Variants in LGALS12 observed in about 807,000 individuals in gnomAD.
LGALS12 encodes galectin 12.
Under a neutral mutation model 36.8 loss-of-function variants are expected in LGALS12, and 36 were observed. The observed-to-expected ratio is 0.98, with a 90% confidence interval of 0.75 to 1.29. LGALS12 has a LOEUF of 1.29. Among genes scored for constraint, LGALS12 ranks in the 50% most tolerant of loss-of-function variants. LGALS12 has a pLI of 0.00. For missense variants in LGALS12, 366 were observed against 394.3 expected (o/e 0.93, Z 0.61); for synonymous variants, 145 against 155.9 (o/e 0.93, Z 0.52).
rs1416351814 is a variant in LGALS12 at position 63,508,830 on chromosome 11, G to A, written c.211G>A (p.Ala71Thr). The A allele has an allele frequency of 1.1e-5, 18 of 1,614,058 alleles. No homozygotes were observed. Among genetic ancestry groups the A allele is most frequent in the South Asian group, 1.1e-4 (10 of 91,086 alleles). Residue 71 changes from alanine to threonine, a missense_variant, in exon 3 of 9, where the codon GCC becomes ACC. Coordinates refer to ENST00000394618, the MANE Select transcript of LGALS12 (RefSeq NM_033101.4). ...CAGCCTGTGTCCCCGGCCAGATATC[G>A]CCTTCCACTTCAACCCTCGCTTCCA... ...GCSLCPRPDI[A>T]FHFNPRFHTT... is the part of the protein sequence containing the mutation.
At position 63,508,598 on chromosome 11, in the gene LGALS12, A is replaced by G. The variant is rs746162900; in HGVS notation, c.115A>G (p.Lys39Glu). 6.2e-7 allele frequency: 1 copy of G among 1,614,180 alleles called. No homozygotes were observed. Among genetic ancestry groups the G allele is most frequent in the Admixed American group, 1.7e-5 (1 of 60,020 alleles). Residue 39 changes from lysine to glutamate, a missense_variant, in exon 2 of 9, where the codon AAG (lysine) becomes GAG (glutamate). By Grantham distance (56) the Lys-to-Glu change is moderately conservative. Coordinates refer to ENST00000394618, the MANE Select transcript of LGALS12 (RefSeq NM_033101.4). Reference sequence around the variant, plus strand: ...GATTTTTGGAGGCCTGCATGCAGGCAAGATGGTCATGCTGCAAGGAGTGGT... The same window carrying G: ...GATTTTTGGAGGCCTGCATGCAGGCGAGATGGTCATGCTGCAAGGAGTGGT... ...TTIFGGLHAG[K>E]MVMLQGVVPL...
chr11:63,514,448 G>A (rs1049517709), intron 7 of LGALS12, among the ~76,000 whole-genome samples: 3 of 152,134 alleles, frequency 2.0e-5, no homozygotes, highest in Non-Finnish European at 4.4e-5. Flanking sequence ...GCATGCGCCT[G>A]TAGTCCCAGC....
chr11:63,511,219 T>C, intron 6 of LGALS12, 114 bp downstream of exon 6: 1 of 1,032,090 alleles, frequency 9.7e-7, no homozygotes. Flanking sequence ...CCTTCCTTTA[T>C]AGAAAACTGC....
rs528005558 is a variant in LGALS12 at position 63,506,143 on chromosome 11, G to A, written c.-316G>A. 1.3e-4 allele frequency: 64 copies of A among 486,700 alleles called. 1 individual carries two copies. The South Asian group carries it at 1.7e-3, about 13-fold the overall frequency. The allele number at this position is 486,700 out of a possible 1,614,324, so 30.1% of individuals were successfully genotyped here. ...TGGCTTCTCTCTGCAATGGCCATGTGCTGCAGACCCGGAGTGGGTAGTTAG... is the reference window on the plus strand; with the variant it reads ...TGGCTTCTCTCTGCAATGGCCATGTACTGCAGACCCGGAGTGGGTAGTTAG... On this transcript the variant is annotated 5_prime_UTR_variant, in exon 1 of 9. Coordinates refer to ENST00000394618, the MANE Select transcript of LGALS12 (RefSeq NM_033101.4).
At chr11:63,513,863 C>G (rs1481016893) in intron 7 of LGALS12, among the ~76,000 whole-genome samples, 1 of 152,130 alleles carries the variant, frequency 6.6e-6, no homozygotes, top group Admixed American at 6.5e-5. Flanking sequence ...ATTCAGTGAT[C>G]TAGTGGGCAT....
Position 63,511,733 on chromosome 11 carries a change from A to G in LGALS12, c.559-19A>G. On this transcript the variant is annotated intron_variant, in intron 6 of 8. Transcript: ENST00000394618. ...TCCCCCTGGAAGTCAACTTCTCAATACCTCCCTTGTTCCTTCAGGAGGTGC... is the reference window on the plus strand; with the variant it reads ...TCCCCCTGGAAGTCAACTTCTCAATGCCTCCCTTGTTCCTTCAGGAGGTGC... 1 of 1,592,428 alleles carries G rather than the reference A, an allele frequency of 6.3e-7. No individual in the cohort carries two copies. Among genetic ancestry groups the G allele is most frequent in the Non-Finnish European group, 8.6e-7 (1 of 1,161,332 alleles).
intron 5 of LGALS12, 99 bp from the exon 6 acceptor site, chr11:63,510,980 C>T: frequency 7.9e-7 from 1 of 1,262,392 alleles, no homozygotes; most frequent in South Asian, 1.2e-5. Flanking sequence ...GTGAGAGAGA[C>T]AAGCCCCAAA....
chr11:63,511,143 G>T, intron 6 of LGALS12, 38 bp downstream of exon 6: 4 of 1,600,064 alleles, frequency 2.5e-6, no homozygotes, highest in Non-Finnish European at 1.7e-6. Context: ...AGGGCTGGGG[G>T]CGCAGCCTGG....
Position 63,509,822 on chromosome 11 carries a change from C to T in LGALS12, c.417C>T (p.Leu139=). ...ACTTTCTCCACTTCCGCTACCGGCT[C>T]CCACTGTCTCATGTGGACACGCTGG... is the stretch of plus-strand genomic sequence containing the variant. ...GQHFLHFRYR[L]PLSHVDTLGI... is the part of the protein sequence containing the mutation. The change falls in exon 4 of 9, where the codon CTC becomes CTT. Residue 139 remains leucine (L), a synonymous_variant. Transcript: ENST00000394618. 2 of 1,614,158 alleles carry T rather than the reference C, an allele frequency of 1.2e-6. No homozygotes were observed. The highest frequency in any genetic ancestry group is 1.7e-6 in the Non-Finnish European group (2 of 1,180,000).
At position 63,516,581 on chromosome 11, in the gene LGALS12, C is replaced by T. The variant is rs1282457395; in HGVS notation, c.*188C>T. The T allele has an allele frequency of 1.1e-5, 7 of 662,442 alleles. No homozygotes were observed. Among genetic ancestry groups the T allele is most frequent in the Non-Finnish European group, 1.8e-5 (7 of 388,316 alleles). 41.0% of individuals were successfully genotyped at this position (662,442 alleles called of 1,614,324 possible). A position where few individuals can be genotyped will look rare whatever the true frequency, so the allele number is the denominator to read the frequency against. On this transcript the variant is annotated 3_prime_UTR_variant, in exon 9 of 9. Transcript: ENST00000394618. ...AAGGCACAAGAGTGCAAAGGTTCCT[C>T]GAACTCTGCACCTTCCTCCACCAGG...
In LGALS12 at chr11:63,516,242, C is replaced by T. The variant is rs2017078301; in HGVS notation, c.799-5C>T. The T allele has an allele frequency of 6.4e-7, 1 of 1,558,236 alleles. No homozygotes were observed. On this transcript the variant is annotated splice_region_variant and splice_polypyrimidine_tract_variant and intron_variant, in intron 8 of 8. Coordinates refer to ENST00000394618, the MANE Select transcript of LGALS12 (RefSeq NM_033101.4). ...CTGCAACCCCCTCATGTCCTCCTTT[C>T]CCAGGTGCTGCTCCTGTTCCAGGAG...
intron 6 of LGALS12, 86 bp from the exon 7 acceptor site, chr11:63,511,666 C>T: frequency 6.6e-6 from 6 of 914,060 alleles, no homozygotes; most frequent in African/African-American, 3.2e-5. Flanking sequence ...CATGCCTGCC[C>T]CAGTGCTCCC....
rs1174748871 is a variant in LGALS12 at position 63,516,435 on chromosome 11, G to T, written c.*42G>T. On this transcript the variant is annotated 3_prime_UTR_variant, in exon 9 of 9. Transcript: ENST00000394618. ...ATACCGCCAGAAAACAAGAAGGTCA[G>T]CCCACTCCCAGGGCCCCACTCTCCT... 6.2e-7 allele frequency: 1 copy of T among 1,611,140 alleles called. No homozygotes were observed. Among genetic ancestry groups the T allele is most frequent in the Non-Finnish European group, 8.5e-7 (1 of 1,179,126 alleles).
chr11:63,507,725 CTTTTTTTTT>C (rs199594642), intron 1 of LGALS12, among the ~76,000 whole-genome samples: 17 of 69,946 alleles, frequency 2.4e-4, no homozygotes, highest in Non-Finnish European at 4.4e-4. Flanking sequence ...CAGGCAACTT[CTTTTTTTTT>C]TTTTTTTTTT....
rs2016813841 is a variant in LGALS12, at chr11:63,508,589, C to T, written c.106C>T (p.His36Tyr). Residue 36 changes from histidine to tyrosine, a missense_variant, in exon 2 of 9, where the codon CAT becomes TAT. Physicochemically the swap from His to Tyr is moderately conservative, Grantham distance 83. Coordinates refer to ENST00000394618, the MANE Select transcript of LGALS12 (RefSeq NM_033101.4). Reference sequence around the variant, plus strand: ...TGTCACGACGATTTTTGGAGGCCTGCATGCAGGCAAGATGGTCATGCTGCA... The same window carrying T: ...TGTCACGACGATTTTTGGAGGCCTGTATGCAGGCAAGATGGTCATGCTGCA... The part of the protein sequence containing the change: ...PYVTTIFGGL[H>Y]AGKMVMLQGV... 1 of 1,614,162 alleles carries T rather than the reference C, an allele frequency of 6.2e-7. No homozygotes were observed.
At position 63,516,400 on chromosome 11, in the gene LGALS12, TTC is replaced by T; in HGVS notation, c.*8_*9del. 1 of 1,613,824 alleles carries T rather than the reference TTC, an allele frequency of 6.2e-7. No individual in the cohort carries two copies. Among genetic ancestry groups the T allele is most frequent in the Non-Finnish European group, 8.5e-7 (1 of 1,179,982 alleles). On this transcript the variant is annotated 3_prime_UTR_variant, in exon 9 of 9. Coordinates refer to ENST00000394618, the MANE Select transcript of LGALS12 (RefSeq NM_033101.4). The stretch of plus-strand genomic sequence containing the variant: ...CTACTGTGTCCACTCCTGAGGATGG[TTC>T]CAGGGAAATACCGCCAGAAAACAAG...
At chr11:63,510,960 A>G in intron 5 of LGALS12, 119 bp from the exon 6 acceptor site, 2 of 971,892 alleles carry the variant, frequency 2.1e-6, no homozygotes, top group African/African-American at 3.2e-5. Flanking sequence ...CCAATGACTC[A>G]CCTACTGCTG....
chr11:63,508,096 CCAGGGG>C, intron 1 of LGALS12: 1 of 1,021,952 alleles, frequency 9.8e-7, no homozygotes, highest in Non-Finnish European at 1.2e-6. Flanking sequence ...AAGTGCCTCT[CCAGGGG>C]TCCATTTCAG....
Position 63,506,264 on chromosome 11 carries a change from G to T in LGALS12, c.-195G>T. 1.0e-6 allele frequency: 1 copy of T among 974,400 alleles called. No homozygotes were observed. Among genetic ancestry groups the T allele is most frequent in the East Asian group, 2.6e-5 (1 of 38,588 alleles). The allele number at this position is 974,400 out of a possible 1,614,324, so 60.4% of individuals were successfully genotyped here. A position where few individuals can be genotyped will look rare whatever the true frequency, so the allele number is the denominator to read the frequency against. On this transcript the variant is annotated 5_prime_UTR_variant, in exon 1 of 9. Coordinates refer to ENST00000394618, the MANE Select transcript of LGALS12 (RefSeq NM_033101.4). ...CTGTATACCACCGGGAGTGGGGCTGGTGTGGAGCCTGGAGGTCGCCCGCTG... is the reference window on the plus strand; with the variant it reads ...CTGTATACCACCGGGAGTGGGGCTGTTGTGGAGCCTGGAGGTCGCCCGCTG...
Sources: allele counts gnomAD v4.1 joint callset (sites outside exome capture counted in the v4.1 genomes callset), GRCh38; gene constraint gnomAD v4.1.1; transcripts MANE v1.5; gene names NCBI Gene and HGNC (gene_info 2026-07-23, HGNC 2026-07-21).